INTS6: variants seen among roughly 807,000 people sequenced by gnomAD.
INTS6 encodes the protein DEAD box protein.
INTS6 carries 16 observed loss-of-function variants against 104.9 expected under a neutral mutation model. The observed-to-expected ratio is 0.15, with a 90% confidence interval of 0.10 to 0.23. The LOEUF (loss-of-function observed/expected upper bound fraction) is 0.23, where lower values mean the gene tolerates loss of function less well. Ranked by LOEUF, INTS6 falls within the 10% of genes least tolerant of loss-of-function variation. The pLI is 1.00. For missense variants in INTS6, 584 were observed against 1,062.8 expected, an observed-to-expected ratio of 0.55 and a Z score of 6.26; for synonymous variants, 324 against 358.7, an observed-to-expected ratio of 0.90 and a Z score of 1.09.
the INTS6 span, among the ~76,000 whole-genome samples, chr13:51,346,237 A>G: frequency 6.6e-6 from 1 of 152,184 alleles, no homozygotes; most frequent in Non-Finnish European, 1.5e-5. Context: ...TGAAATTTTA[A>G]CTGCAGCCCT....
At chr13:51,440,688 G>C (rs564581283) in intron 3 of INTS6, 1 of 152,174 alleles carries the variant, frequency 6.6e-6, no homozygotes, top group Non-Finnish European at 1.5e-5. Flanking sequence ...TGTTAAAACT[G>C]CCTAGAGCAA....
chr13:51,434,067 T>C (rs68178365), intron 3 of INTS6, among the ~76,000 whole-genome samples: 3 of 152,226 alleles, frequency 2.0e-5, no homozygotes, highest in Non-Finnish European at 2.9e-5. Context: ...CTAAATTCTC[T>C]TGGACATAAT....
In INTS6 at chr13:51,364,436, AAATGTTAT is replaced by A. The variant is rs1955645956; in HGVS notation, c.*1308_*1315del. 2.0e-6 allele frequency: 1 copy of A among 501,256 alleles called. No individual in the cohort carries two copies. The highest frequency in any genetic ancestry group is 2.0e-5 in the African/African-American group (1 of 50,438). The allele number at this position is 501,256 out of a possible 1,614,324, so 31.1% of individuals were successfully genotyped here. The stretch of plus-strand genomic sequence containing the variant: ...TAAACCTAAAAATACTTCAGTTTTT[AAATGTTAT>A]AAGTTTATTTTGCCTACTCTTAATC... On this transcript the variant is annotated 3_prime_UTR_variant, in exon 18 of 18. Transcript: ENST00000311234.
rs367977854 is a variant in INTS6 at position 51,412,323 on chromosome 13, C to T, written c.430-16840G>A. ...TATACCTCAACAAAGGGGACAATAA[C>T]AACAACAAAAATAAGCATATGCAAA... On this transcript the variant is annotated intron_variant, in intron 4 of 17. Coordinates refer to ENST00000311234, the MANE Select transcript of INTS6 (RefSeq NM_012141.3). Among the ~76,000 whole-genome samples the T allele has an allele frequency of 6.6e-5, 10 of 152,182 alleles. No individual in the cohort carries two copies. In the South Asian group the frequency reaches 2.1e-3, roughly 32 times the overall value.
chr13:51,398,995 T>C (rs1277159743), intron 4 of INTS6, among the ~76,000 whole-genome samples: 2 of 152,186 alleles, frequency 1.3e-5, no homozygotes, highest in East Asian at 3.8e-4. Context: ...TGCCTTTGTG[T>C]AACTAAAATT....
At chr13:51,443,957 A>C (rs1952845358) in intron 3 of INTS6, 1 of 152,186 alleles carries the variant, frequency 6.6e-6, no homozygotes, top group African/African-American at 2.4e-5. Flanking sequence ...GATGTCAAAT[A>C]TTAGATTTGT....
downstream of INTS6, among the ~76,000 whole-genome samples, chr13:51,353,461 C>G (rs1955430876): frequency 6.6e-6 from 1 of 152,154 alleles, no homozygotes; most frequent in African/African-American, 2.4e-5. Flanking sequence ...CAAAGAGAAG[C>G]AAAGTAACTT....
At chr13:51,429,785 A>AAAATAT (rs1156333077) in intron 4 of INTS6, among the ~76,000 whole-genome samples, 4 of 92,354 alleles carry the variant, frequency 4.3e-5, no homozygotes, top group African/African-American at 4.6e-5. Context: ...AAAAAAAAAA[A>AAAATAT]ATATATATAT....
downstream of INTS6, among the ~76,000 whole-genome samples, chr13:51,357,675 A>C (rs1005192806): frequency 2.0e-5 from 3 of 151,940 alleles, no homozygotes; most frequent in South Asian, 2.1e-4. Context: ...GTTCCCCCCC[A>C]GTCTCCTTGA....
At chr13:51,346,931 T>G in the INTS6 span, 40 of 904,108 alleles carry the variant, frequency 4.4e-5, no homozygotes, top group East Asian at 1.0e-3. Flanking sequence ...CATTTTCGCA[T>G]TTTAACTCTG....
At chr13:51,404,753 C>T (rs928754150) in intron 4 of INTS6, among the ~76,000 whole-genome samples, 4 of 151,842 alleles carry the variant, frequency 2.6e-5, no homozygotes, top group Admixed American at 1.3e-4. Flanking sequence ...TTTTCTTTAC[C>T]GTTTACTGCA....
intron 11 of INTS6, 57 bp downstream of exon 11, chr13:51,379,401 TAACC>T: frequency 1.1e-6 from 1 of 895,070 alleles, no homozygotes; most frequent in East Asian, 2.6e-5. Flanking sequence ...TTAACCTGTT[TAACC>T]ATCCTAGCCA....
At chr13:51,352,337 T>G (rs1955412568), downstream of INTS6, among the ~76,000 whole-genome samples, 1 of 152,148 alleles carries the variant, frequency 6.6e-6, no homozygotes, top group Non-Finnish European at 1.5e-5. Context: ...TTCATTAAAT[T>G]TATTCTAAGT....
downstream of INTS6, among the ~76,000 whole-genome samples, chr13:51,352,309 TGCAA>T (rs1157265022): frequency 6.6e-6 from 1 of 152,142 alleles, no homozygotes; most frequent in Non-Finnish European, 1.5e-5. Context: ...GTTTTCATTA[TGCAA>T]GTCTTGCACT....
the INTS6 span, among the ~76,000 whole-genome samples, chr13:51,342,031 A>G: frequency 0.65 from 98,867 of 152,012 alleles, 33,949 homozygotes; most frequent in African/African-American, 0.88. Flanking sequence ...TTCGAATGCC[A>G]GGTCAGCTTC....
At chr13:51,343,136 G>A in the INTS6 span, among the ~76,000 whole-genome samples, 1 of 152,214 alleles carries the variant, frequency 6.6e-6, no homozygotes, top group East Asian at 1.9e-4. Flanking sequence ...CATGAAGGGT[G>A]TCAGAGGGGA....
At chr13:51,435,820 T>C (rs1201958641) in intron 3 of INTS6, among the ~76,000 whole-genome samples, 1 of 152,082 alleles carries the variant, frequency 6.6e-6, no homozygotes, top group African/African-American at 2.4e-5. Context: ...TCATTAATAC[T>C]GTTAATTTTT....
At chr13:51,374,846 CA>C (rs1369722606) in intron 13 of INTS6, 50 bp from the exon 14 acceptor site, 9 of 1,584,528 alleles carry the variant, frequency 5.7e-6, no homozygotes, top group Non-Finnish European at 6.9e-6. Context: ...AATTAGTTCT[CA>C]AATAATGTTT....
chr13:51,415,997 AGC>A (rs1956780402), intron 4 of INTS6, among the ~76,000 whole-genome samples: 1 of 152,246 alleles, frequency 6.6e-6, no homozygotes, highest in Non-Finnish European at 1.5e-5. Context: ...AGTCAAGAGA[AGC>A]TTTAAAAAAC....
Sources: gnomAD v4.1 joint callset for allele counts (sites outside exome capture counted in the v4.1 genomes callset) on GRCh38, gnomAD v4.1.1 for gene constraint, MANE v1.5 for transcripts, NCBI Gene and HGNC (gene_info 2026-07-23, HGNC 2026-07-21) for gene names.